The following RAB20 variants were observed in gnomAD, a reference collection of about 807,000 sequenced individuals.
RAB20 encodes the protein ras-related protein Rab-20.
Under a neutral mutation model 3.7 loss-of-function variants are expected in RAB20, and 2 were observed. The observed-to-expected ratio is 0.54, with a 90% CI of 0.22 to 1.69. The LOEUF is 1.69. Ranked by LOEUF, RAB20 falls within the 40% of genes most tolerant of loss-of-function variation. The pLI is 0.19. For missense variants in RAB20, 276 were observed against 311.9 expected, an observed-to-expected ratio of 0.88 and a Z score of 0.87; for synonymous variants, 126 against 130.8, an observed-to-expected ratio of 0.96 and a Z score of 0.25.
chr13:110,533,891 C>A (rs1297686648), intron 1 of RAB20, among the ~76,000 whole-genome samples: 1 of 152,210 alleles, frequency 6.6e-6, no homozygotes, highest in Non-Finnish European at 1.5e-5. Flanking sequence ...CCTGCCCCCA[C>A]CAGTACGTGG....
chr13:110,525,409 C>T (rs1240437977), intron 1 of RAB20, among the ~76,000 whole-genome samples: 2 of 152,342 alleles, frequency 1.3e-5, no homozygotes, highest in Admixed American at 6.5e-5. Flanking sequence ...CCTGCACATC[C>T]GTACTGTTCT....
In RAB20 at chr13:110,537,306, G is replaced by A. The variant is rs117669679; in HGVS notation, c.173-13109C>T. ...ATTACAGGCATGAGCTACCACGCCC[G>A]GCCGCTTTACTGTTTTTACATCAAC... On this transcript the variant is annotated intron_variant, in intron 1 of 1. Transcript: ENST00000267328. Among the ~76,000 whole-genome samples the A allele has an allele frequency of 6.9e-3, 1,044 of 151,846 alleles. 6 individuals are homozygous for A. Among genetic ancestry groups the A allele is most frequent in the Non-Finnish European group, 0.012 (791 of 67,942 alleles).
intron 1 of RAB20, among the ~76,000 whole-genome samples, chr13:110,557,332 G>A (rs1210732957): frequency 6.6e-6 from 1 of 152,202 alleles, no homozygotes. Flanking sequence ...ATATTAAGAT[G>A]AGGAAGAACA....
chr13:110,537,973 G>C (rs756255312), intron 1 of RAB20, among the ~76,000 whole-genome samples: 6 of 152,046 alleles, frequency 3.9e-5, no homozygotes, highest in Non-Finnish European at 5.9e-5. Context: ...GGATGGATCA[G>C]GAAAAAAAGA....
chr13:110,532,629 G>A (rs1594130302), intron 1 of RAB20, among the ~76,000 whole-genome samples: 1 of 151,522 alleles, frequency 6.6e-6, no homozygotes, highest in East Asian at 2.0e-4. Context: ...CACCCACCTT[G>A]GACTCCCAAA....
chr13:110,535,655 A>AACTTT (rs1195160377), intron 1 of RAB20, among the ~76,000 whole-genome samples: 2 of 152,228 alleles, frequency 1.3e-5, no homozygotes, highest in Non-Finnish European at 2.9e-5. Context: ...TGCAGTGACT[A>AACTTT]ACTTTTCACA....
intron 1 of RAB20, among the ~76,000 whole-genome samples, chr13:110,535,589 C>A (rs531972745): frequency 7.9e-5 from 12 of 152,380 alleles, no homozygotes; most frequent in Admixed American, 7.2e-4. Context: ...TTCCACCTCT[C>A]CTCCTCCTGC....
rs1884646452 is a variant in RAB20, at chr13:110,536,728, G to GA, written c.173-12532_173-12531insT. Among the ~76,000 whole-genome samples the GA allele has an allele frequency of 2.1e-5, 2 of 94,672 alleles. 1 individual carries two copies. Among genetic ancestry groups the GA allele is most frequent in the Non-Finnish European group, 3.9e-5 (2 of 51,024 alleles). 62.1% of individuals were successfully genotyped at this position (94,672 alleles called of 152,430 possible). On this transcript the variant is annotated intron_variant, in intron 1 of 1. Coordinates refer to ENST00000267328, the MANE Select transcript of RAB20 (RefSeq NM_017817.3). ...TCTAAAATGGCTTTTTTTTGGGGCGGTGGGGGGGGGTTGTTTTTATGTTTA... is the reference window on the plus strand; with the variant it reads ...TCTAAAATGGCTTTTTTTTGGGGCGGATGGGGGGGGGTTGTTTTTATGTTTA...
At chr13:110,548,399 G>C (rs1185783910) in intron 1 of RAB20, among the ~76,000 whole-genome samples, 1 of 152,002 alleles carries the variant, frequency 6.6e-6, no homozygotes, top group Non-Finnish European at 1.5e-5. Flanking sequence ...CAGGAGAATT[G>C]CTTGAAGCTG....
chr13:110,534,446 A>G (rs1040968960), intron 1 of RAB20, among the ~76,000 whole-genome samples: 1 of 152,192 alleles, frequency 6.6e-6, no homozygotes, highest in African/African-American at 2.4e-5. Context: ...AGGTGCTGCC[A>G]CCGTGATGTA....
chr13:110,553,690 C>A (rs527435112), intron 1 of RAB20, among the ~76,000 whole-genome samples: 4 of 152,224 alleles, frequency 2.6e-5, no homozygotes, highest in African/African-American at 4.8e-5. Context: ...ATGTGATTGA[C>A]CAAATGGTCT....
At chr13:110,530,078 A>ACGC (rs1330153555) in intron 1 of RAB20, among the ~76,000 whole-genome samples, 1 of 152,082 alleles carries the variant, frequency 6.6e-6, no homozygotes, top group Non-Finnish European at 1.5e-5. Flanking sequence ...AGAAATGAAG[A>ACGC]CGCCCTGCTC....
At position 110,524,034 on chromosome 13, in the gene RAB20, C is replaced by G. The variant is rs750922252; in HGVS notation, c.336G>C (p.Gly112=). ...CCTCCTCAGTGAGGTCCACTTTGTTCCCCACGATGGCAAAGAGGCAGTCTT... is the reference window on the plus strand; with the variant it reads ...CCTCCTCAGTGAGGTCCACTTTGTTGCCCACGATGGCAAAGAGGCAGTCTT... ...ASKDCLFAIV[G]NKVDLTEEGA... Residue 112 remains glycine, a synonymous_variant, in exon 2 of 2, where the codon GGG becomes GGC. Transcript: ENST00000267328. 2 of 1,614,150 alleles carry G rather than the reference C, an allele frequency of 1.2e-6. No homozygotes were observed. Among genetic ancestry groups the G allele is most frequent in the South Asian group, 2.2e-5 (2 of 91,078 alleles).
In RAB20 at chr13:110,561,331, T is replaced by A. The variant is rs776887126; in HGVS notation, c.172+17A>T. The A allele has an allele frequency of 6.3e-7, 1 of 1,578,484 alleles. No individual in the cohort carries two copies. Among genetic ancestry groups the A allele is most frequent in the South Asian group, 1.1e-5 (1 of 88,066 alleles). ...CGGAGCCCCAGGGCGGTGTGGCTCA[T>A]GCGGCGCCGGCCTCACCTGCGGTGT... is the stretch of plus-strand genomic sequence containing the variant. On this transcript the variant is annotated intron_variant, in intron 1 of 1. Transcript: ENST00000267328.
intron 1 of RAB20, among the ~76,000 whole-genome samples, chr13:110,532,869 T>G (rs1566584747): frequency 6.6e-6 from 1 of 152,122 alleles, no homozygotes; most frequent in Non-Finnish European, 1.5e-5. Flanking sequence ...TGTGTAGAGA[T>G]GGGGACTTAC....
At chr13:110,530,924 T>G (rs1454486591) in intron 1 of RAB20, among the ~76,000 whole-genome samples, 1 of 152,242 alleles carries the variant, frequency 6.6e-6, no homozygotes, top group Non-Finnish European at 1.5e-5. Flanking sequence ...TTATGAGGTT[T>G]AAGTTCTGTC....
intron 1 of RAB20, among the ~76,000 whole-genome samples, chr13:110,552,116 C>T (rs905031083): frequency 1.3e-5 from 2 of 152,074 alleles, no homozygotes; most frequent in East Asian, 1.9e-4. Flanking sequence ...CGGTAGCTCA[C>T]GCCTGTAATC....
At chr13:110,529,463 A>C (rs1410098081) in intron 1 of RAB20, among the ~76,000 whole-genome samples, 1 of 152,216 alleles carries the variant, frequency 6.6e-6, no homozygotes, top group Non-Finnish European at 1.5e-5. Flanking sequence ...CCAATCGTGA[A>C]GCCAAAGCAC....
At chr13:110,531,364 A>G (rs761247171) in intron 1 of RAB20, among the ~76,000 whole-genome samples, 1 of 152,186 alleles carries the variant, frequency 6.6e-6, no homozygotes, top group Non-Finnish European at 1.5e-5. Flanking sequence ...CCTTCCCAGG[A>G]GCTCCAAATT....
Sources: gnomAD v4.1 joint callset for allele counts (sites outside exome capture counted in the v4.1 genomes callset) on GRCh38, gnomAD v4.1.1 for gene constraint, MANE v1.5 for transcripts, NCBI Gene and HGNC (gene_info 2026-07-23, HGNC 2026-07-21) for gene names.